Variants in PPIA observed in about 807,000 individuals in gnomAD.
The protein encoded by PPIA is peptidylprolyl isomerase A.
In PPIA, 2 loss-of-function variants were observed where a neutral mutation model predicts 15.3. That is an observed-to-expected ratio of 0.13 (90% CI 0.05 to 0.41). PPIA has a LOEUF of 0.41. Ranked by LOEUF, PPIA falls within the 10% of genes least tolerant of loss-of-function variation. The pLI, the probability that PPIA is intolerant of heterozygous loss-of-function variation, is 0.99. For missense variants in PPIA, 103 were observed against 210.3 expected, an observed-to-expected ratio of 0.49 and a Z score of 3.16; for synonymous variants, 67 against 73.1, an observed-to-expected ratio of 0.92 and a Z score of 0.43.
chr7:44,796,898 G>A (rs1583687694), intron 1 of PPIA, 105 bp downstream of exon 1: 1 of 1,211,866 alleles, frequency 8.3e-7, no homozygotes, highest in South Asian at 1.6e-5. Context: ...CCTGCTTGAG[G>A]GGCGAGCGCG....
At chr7:44,797,167 A>C (rs17860053) in intron 1 of PPIA, among the ~76,000 whole-genome samples, 3 of 152,110 alleles carry the variant, frequency 2.0e-5, no homozygotes, top group East Asian at 1.9e-4. Flanking sequence ...CGCAGACCGG[A>C]GCCAGAAGCA....
Position 44,799,275 on chromosome 7 carries a change from C to T in PPIA, c.98C>T (p.Ala33Val). The T allele has an allele frequency of 1.2e-6, 2 of 1,613,674 alleles. No individual in the cohort carries two copies. Among genetic ancestry groups the T allele is most frequent in the African/African-American group, 1.3e-5 (1 of 75,022 alleles). ...TTTGCAGACAAGGTCCCAAAGACAG[C>T]AGGTTGGTCCATTTTCTAAGTTTAA... Reference protein sequence around the residue: ...ELFADKVPKTAENFRALSTGE... With the variant: ...ELFADKVPKTVENFRALSTGE... The change falls in exon 2 of 5, where the codon GCA becomes GTA. Residue 33 changes from alanine (A) to valine (V), a missense_variant and splice_region_variant. Coordinates refer to ENST00000468812, the MANE Select transcript of PPIA (RefSeq NM_021130.5).
Position 44,801,486 on chromosome 7 carries a change from C to T in PPIA, c.*64C>T. 5.6e-6 allele frequency: 7 copies of T among 1,256,572 alleles called. No homozygotes were observed. The highest frequency in any genetic ancestry group is 7.9e-6 in the Non-Finnish European group (7 of 885,202). The allele number at this position is 1,256,572 out of a possible 1,614,324, so 77.8% of individuals were successfully genotyped here. A position where few individuals can be genotyped will look rare whatever the true frequency, so the allele number is the denominator to read the frequency against. On this transcript the variant is annotated 3_prime_UTR_variant, in exon 5 of 5. Transcript: ENST00000468812. ...TTCTGTAGCTCAGGAGAGCACCCCT[C>T]CACCCCATTTGCTCGCAGTATCCTA...
chr7:44,801,986 G>A lies in PPIA; in HGVS notation c.*564G>A, dbSNP rs1447862087. Reference sequence around the variant, plus strand: ...AGGCTGACGTGGGAGGATTGCTTGAGCCTAGAGTGAGCTATTATCATGCCA... The same window carrying A: ...AGGCTGACGTGGGAGGATTGCTTGAACCTAGAGTGAGCTATTATCATGCCA... On this transcript the variant is annotated 3_prime_UTR_variant, in exon 5 of 5. Transcript: ENST00000468812. The A allele has an allele frequency of 1.3e-5, 2 of 156,674 alleles. No homozygotes were observed. Among genetic ancestry groups the A allele is most frequent in the South Asian group, 1.9e-4 (1 of 5,242 alleles). The allele number at this position is 156,674 out of a possible 1,614,324, so 9.7% of individuals were successfully genotyped here. A position where few individuals can be genotyped will look rare whatever the true frequency, so the allele number is the denominator to read the frequency against.
At chr7:44,797,120 A>C (rs1792396594) in intron 1 of PPIA, among the ~76,000 whole-genome samples, 1 of 152,140 alleles carries the variant, frequency 6.6e-6, no homozygotes, top group East Asian at 1.9e-4. Context: ...CCGCGCCTTG[A>C]GAGTCGTTGG....
At chr7:44,796,906 G>T in intron 1 of PPIA, 113 bp downstream of exon 1, 1 of 1,173,736 alleles carries the variant, frequency 8.5e-7, no homozygotes, top group East Asian at 3.0e-5. Flanking sequence ...AGGGGCGAGC[G>T]CGGGCGGGCT....
Position 44,801,903 on chromosome 7 carries a change from C to T in PPIA, c.*481C>T, listed in dbSNP as rs1011101257. 2 of 164,438 alleles carry T rather than the reference C, an allele frequency of 1.2e-5. No individual in the cohort carries two copies. The highest frequency in any genetic ancestry group is 2.4e-5 in the African/African-American group (1 of 41,466). The allele number at this position is 164,438 out of a possible 1,614,324, so 10.2% of individuals were successfully genotyped here. Reference sequence around the variant, plus strand: ...CCTGGGCAACATAGTGAGACGCTGTCTCTACAAAAAATAATTAGCCTGGCC... The same window carrying T: ...CCTGGGCAACATAGTGAGACGCTGTTTCTACAAAAAATAATTAGCCTGGCC... On this transcript the variant is annotated 3_prime_UTR_variant, in exon 5 of 5. Coordinates refer to ENST00000468812, the MANE Select transcript of PPIA (RefSeq NM_021130.5).
intron 1 of PPIA, chr7:44,798,039 C>G (rs920055905): frequency 1.3e-5 from 2 of 152,140 alleles, no homozygotes; most frequent in African/African-American, 4.8e-5. Flanking sequence ...GAAACTTGGC[C>G]TGACCTAATG....
Position 44,802,374 on chromosome 7 carries a change from CTT to C in PPIA, c.*953_*954del, listed in dbSNP as rs1452584224. The stretch of plus-strand genomic sequence containing the variant: ...ATTTTGACCAGGCTGGTCTCAAACT[CTT>C]GACCTCAGCTGATGCGCCTGCCTTG... On this transcript the variant is annotated 3_prime_UTR_variant, in exon 5 of 5. Transcript: ENST00000468812. 1.3e-5 allele frequency: 2 copies of C among 152,094 alleles called. No individual in the cohort carries two copies. Among genetic ancestry groups the C allele is most frequent in the African/African-American group, 4.8e-5 (2 of 41,386 alleles). The allele number at this position is 152,094 out of a possible 1,614,324, so 9.4% of individuals were successfully genotyped here. A position where few individuals can be genotyped will look rare whatever the true frequency, so the allele number is the denominator to read the frequency against.
rs1583691014 is a variant in PPIA at position 44,799,617 on chromosome 7, C to T, written c.190-85C>T. ...ATTTAACCCTTCTATTCAGTTTGAA[C>T]TTGGGTTTAAAGTTTGAACCTTGCA... is the stretch of plus-strand genomic sequence containing the variant. On this transcript the variant is annotated intron_variant, in intron 3 of 4. Coordinates refer to ENST00000468812, the MANE Select transcript of PPIA (RefSeq NM_021130.5). 2.5e-6 allele frequency: 4 copies of T among 1,588,258 alleles called. No homozygotes were observed. The East Asian group carries it at 6.7e-5, about 27-fold the overall frequency.
rs1188093033 is a variant in PPIA, at chr7:44,802,916, T to A, written c.*1494T>A. ...GTTTGCCTATCCTAGAGGTGGCGGA[T>A]TTGATCATTTGGTGTGTTGGGCAAT... On this transcript the variant is annotated 3_prime_UTR_variant, in exon 5 of 5. Transcript: ENST00000468812. 21 of 152,178 alleles carry A rather than the reference T, an allele frequency of 1.4e-4. No homozygotes were observed. The highest frequency in any genetic ancestry group is 1.4e-3 in the Admixed American group (21 of 15,250). The allele number at this position is 152,178 out of a possible 1,614,324, so 9.4% of individuals were successfully genotyped here.
chr7:44,799,124 T>A (rs776832323), intron 1 of PPIA, 123 bp from the exon 2 acceptor site: 112 of 1,241,602 alleles, frequency 9.0e-5, no homozygotes, highest in Non-Finnish European at 1.2e-4. Context: ...TCTTGGGAAT[T>A]AAAGTAATTA....
intron 4 of PPIA, 74 bp downstream of exon 4, chr7:44,799,948 ACTTTT>A (rs903029507): frequency 1.4e-6 from 2 of 1,464,966 alleles, no homozygotes; most frequent in African/African-American, 2.8e-5. Flanking sequence ...AACAAACACT[ACTTTT>A]CTTCAACCTT....
chr7:44,799,624 T>G, intron 3 of PPIA, 78 bp from the exon 4 acceptor site: 1 of 1,596,970 alleles, frequency 6.3e-7, no homozygotes, highest in East Asian at 2.2e-5. Context: ...GAACTTGGGT[T>G]TAAAGTTTGA....
chr7:44,797,483 G>T (rs895997983), intron 1 of PPIA, among the ~76,000 whole-genome samples: 15 of 152,272 alleles, frequency 9.9e-5, no homozygotes, highest in East Asian at 1.9e-4. Flanking sequence ...AATGGGCCTT[G>T]CCTTTGCTGG....
At position 44,802,842 on chromosome 7, in the gene PPIA, TTC is replaced by T. The variant is rs1792607545; in HGVS notation, c.*1424_*1425del. ...GGACAATCTAAGCTGAGAAAACCCCTTCTCTGCCCACCTTAACAGACCTCTAG... is the reference window on the plus strand; with the variant it reads ...GGACAATCTAAGCTGAGAAAACCCCTTCTGCCCACCTTAACAGACCTCTAG... On this transcript the variant is annotated 3_prime_UTR_variant, in exon 5 of 5. Coordinates refer to ENST00000468812, the MANE Select transcript of PPIA (RefSeq NM_021130.5). 6.6e-6 allele frequency: 1 copy of T among 152,160 alleles called. No homozygotes were observed. The highest frequency in any genetic ancestry group is 2.1e-4 in the South Asian group (1 of 4,830). The allele number at this position is 152,160 out of a possible 1,614,324, so 9.4% of individuals were successfully genotyped here. A position where few individuals can be genotyped will look rare whatever the true frequency, so the allele number is the denominator to read the frequency against.
At chr7:44,797,487 T>G (rs528081179) in intron 1 of PPIA, among the ~76,000 whole-genome samples, 2 of 152,288 alleles carry the variant, frequency 1.3e-5, no homozygotes, top group East Asian at 3.9e-4. Context: ...GGCCTTGCCT[T>G]TGCTGGTGCC....
In PPIA at chr7:44,801,684, G is replaced by A. The variant is rs938452146; in HGVS notation, c.*262G>A. 8.5e-6 allele frequency: 3 copies of A among 354,736 alleles called. No individual in the cohort carries two copies. Among genetic ancestry groups the A allele is most frequent in the African/African-American group, 4.3e-5 (2 of 46,470 alleles). The allele number at this position is 354,736 out of a possible 1,614,324, so 22.0% of individuals were successfully genotyped here. ...TAGGCTTTATTTTAAGCAGTAATGG[G>A]TTACTTCTGAAACATCACTTGTTTG... On this transcript the variant is annotated 3_prime_UTR_variant, in exon 5 of 5. Transcript: ENST00000468812.
In PPIA at chr7:44,801,284, A is replaced by G; in HGVS notation, c.363-3A>G. 2 of 1,612,772 alleles carry G rather than the reference A, an allele frequency of 1.2e-6. No homozygotes were observed. Among genetic ancestry groups the G allele is most frequent in the Non-Finnish European group, 1.7e-6 (2 of 1,179,478 alleles). On this transcript the variant is annotated splice_region_variant and splice_polypyrimidine_tract_variant and intron_variant, in intron 4 of 4. Coordinates refer to ENST00000468812, the MANE Select transcript of PPIA (RefSeq NM_021130.5). ...GTCATAGTGATTGTTCTTCCTTTTC[A>G]AGGTTGGATGGCAAGCATGTGGTGT...
Sources: gnomAD v4.1 joint callset for allele counts (sites outside exome capture counted in the v4.1 genomes callset) on GRCh38, gnomAD v4.1.1 for gene constraint, MANE v1.5 for transcripts, NCBI Gene and HGNC (gene_info 2026-07-23, HGNC 2026-07-21) for gene names.